Variants in PTPRN2 observed in about 807,000 individuals in gnomAD.
PTPRN2 encodes receptor-type tyrosine-protein phosphatase N2.
PTPRN2 carries 74 observed loss-of-function variants against 118.8 expected under a neutral mutation model. The observed-to-expected ratio is 0.62, with a 90% CI of 0.52 to 0.76. The LOEUF (loss-of-function observed/expected upper bound fraction) is 0.76. Among genes scored for constraint, PTPRN2 ranks in the 30% least tolerant of loss-of-function variants. The pLI, the probability that PTPRN2 is intolerant of heterozygous loss-of-function variation, is 0.00. For missense variants in PTPRN2, 1,481 were observed against 1,394.4 expected (o/e 1.06, Z -0.99); for synonymous variants, 641 against 608.0 (o/e 1.05, Z -0.80).
At chr7:158,572,430 C>T (rs1186157564) in intron 1 of PTPRN2, among the ~76,000 whole-genome samples, 1 of 152,200 alleles carries the variant, frequency 6.6e-6, no homozygotes, top group East Asian at 1.9e-4. Context: ...GCCCTGACAG[C>T]CCTGACCCAC....
intron 12 of PTPRN2, among the ~76,000 whole-genome samples, chr7:157,806,057 A>G (rs953047637): frequency 6.6e-6 from 1 of 152,332 alleles, no homozygotes; most frequent in Non-Finnish European, 1.5e-5. Context: ...ATGTGCACAC[A>G]GTAGAGAGCA....
chr7:158,356,920 T>G (rs6968118), intron 2 of PTPRN2, among the ~76,000 whole-genome samples: 1 of 152,144 alleles, frequency 6.6e-6, no homozygotes, highest in Non-Finnish European at 1.5e-5. Flanking sequence ...TCATCGAAAC[T>G]GTGGCTGGGA....
At chr7:157,765,227 CCTT>C (rs1169491415) in intron 12 of PTPRN2, among the ~76,000 whole-genome samples, 2 of 151,258 alleles carry the variant, frequency 1.3e-5, no homozygotes, top group African/African-American at 2.4e-5. Flanking sequence ...ATCCATCCAT[CCTT>C]CTTTCATCCA....
At chr7:158,341,384 C>T (rs1199606084) in intron 2 of PTPRN2, among the ~76,000 whole-genome samples, 1 of 150,738 alleles carries the variant, frequency 6.6e-6, no homozygotes, top group African/African-American at 2.4e-5. Flanking sequence ...CTCACACCCA[C>T]ACTCTCACCA....
chr7:158,439,697 T>G (rs2129432643), intron 2 of PTPRN2, among the ~76,000 whole-genome samples: 1 of 152,374 alleles, frequency 6.6e-6, no homozygotes, highest in East Asian at 1.9e-4. Context: ...TAAATGCATC[T>G]TCCATAGACA....
chr7:157,793,384 T>G (rs773955872), intron 12 of PTPRN2, among the ~76,000 whole-genome samples: 1 of 152,228 alleles, frequency 6.6e-6, no homozygotes, highest in Non-Finnish European at 1.5e-5. Flanking sequence ...ACCCCCTGTG[T>G]ACCCTGTGAG....
chr7:158,106,494 A>T (rs1253021970), intron 10 of PTPRN2, among the ~76,000 whole-genome samples: 2 of 152,226 alleles, frequency 1.3e-5, no homozygotes, highest in Admixed American at 1.3e-4. Context: ...ACCTCCGTGT[A>T]TCATCTGGAA....
intron 4 of PTPRN2, among the ~76,000 whole-genome samples, chr7:158,198,703 T>TC (rs1306907686): frequency 6.7e-6 from 1 of 149,318 alleles, no homozygotes; most frequent in Non-Finnish European, 1.5e-5. Flanking sequence ...CTTCTCAGGT[T>TC]CTGGCTTCTC....
intron 2 of PTPRN2, among the ~76,000 whole-genome samples, chr7:158,381,543 C>G (rs187314138): frequency 6.6e-6 from 1 of 152,314 alleles, no homozygotes; most frequent in East Asian, 1.9e-4. Flanking sequence ...AGCCATTCAA[C>G]AAGCCTCTAG....
rs184444559 is a variant in PTPRN2, at chr7:158,313,931, T to G, written c.277+2888A>C. Among the ~76,000 whole-genome samples, 466 of 152,260 alleles carry G rather than the reference T, an allele frequency of 3.1e-3. 6 individuals carry two copies. The highest frequency in any genetic ancestry group is 0.023 in the South Asian group (112 of 4,820). ...CTTTTGAAACTCACCTTAAATTTCT[T>G]GGTTTTTTTCTAGTTTGTCAGGCTG... is the stretch of plus-strand genomic sequence containing the variant. On this transcript the variant is annotated intron_variant, in intron 3 of 22. Coordinates refer to ENST00000389418, the MANE Select transcript of PTPRN2 (RefSeq NM_002847.5).
chr7:158,174,355 C>T (rs1823990108), intron 5 of PTPRN2, among the ~76,000 whole-genome samples: 2 of 151,818 alleles, frequency 1.3e-5, no homozygotes, highest in South Asian at 4.2e-4. Flanking sequence ...CCATCATCAT[C>T]CCACCATCCA....
At chr7:158,230,534 A>G (rs543937674) in intron 3 of PTPRN2, among the ~76,000 whole-genome samples, 11 of 152,300 alleles carry the variant, frequency 7.2e-5, no homozygotes, top group East Asian at 1.9e-4. Context: ...CTTAAAATAC[A>G]GAGGGGTTTT....
At chr7:157,875,007 GCACACAGACA>G (rs1343848873) in intron 12 of PTPRN2, among the ~76,000 whole-genome samples, 3 of 151,020 alleles carry the variant, frequency 2.0e-5, no homozygotes, top group Non-Finnish European at 4.4e-5. Flanking sequence ...AAACGTGCAT[GCACACAGACA>G]CACAGACACA....
At chr7:158,120,793 GAA>G (rs2150392728) in intron 9 of PTPRN2, among the ~76,000 whole-genome samples, 1 of 152,322 alleles carries the variant, frequency 6.6e-6, no homozygotes, top group Admixed American at 6.5e-5. Flanking sequence ...ACTGGTGCCA[GAA>G]AAAGTGTCAG....
At chr7:158,100,126 T>C (rs1023439437) in intron 10 of PTPRN2, among the ~76,000 whole-genome samples, 1 of 151,888 alleles carries the variant, frequency 6.6e-6, no homozygotes, top group African/African-American at 2.4e-5. Flanking sequence ...TGAGAACATA[T>C]GATGTTTGGT....
chr7:157,840,374 CTGTG>C (rs545328377), intron 12 of PTPRN2, among the ~76,000 whole-genome samples: 1 of 133,976 alleles, frequency 7.5e-6, no homozygotes, highest in African/African-American at 3.0e-5. Flanking sequence ...CCGCGTGTGA[CTGTG>C]TGACCGCGTG....
At chr7:158,383,144 C>A (rs537045886) in intron 2 of PTPRN2, among the ~76,000 whole-genome samples, 5 of 152,240 alleles carry the variant, frequency 3.3e-5, no homozygotes, top group African/African-American at 1.2e-4. Flanking sequence ...GAAGACCCAC[C>A]TCCTGAGCTA....
At chr7:158,262,635 C>T (rs1444556591) in intron 3 of PTPRN2, among the ~76,000 whole-genome samples, 2 of 147,646 alleles carry the variant, frequency 1.4e-5, no homozygotes, top group Non-Finnish European at 3.0e-5. Context: ...ATTCACACTG[C>T]AAACATTCAC....
At chr7:158,228,468 G>A (rs1422922110) in intron 3 of PTPRN2, among the ~76,000 whole-genome samples, 1 of 152,044 alleles carries the variant, frequency 6.6e-6, no homozygotes, top group South Asian at 2.1e-4. Flanking sequence ...CACTACACCT[G>A]TTGGAAATTT....
Sources: allele counts gnomAD v4.1 joint callset (sites outside exome capture counted in the v4.1 genomes callset), GRCh38; gene constraint gnomAD v4.1.1; transcripts MANE v1.5; gene names NCBI Gene and HGNC (gene_info 2026-07-23, HGNC 2026-07-21).